The following MYL10 variants were observed in gnomAD, a reference collection of about 807,000 sequenced individuals.
The protein encoded by MYL10 is myosin regulatory light chain 10.
MYL10 carries 18 observed loss-of-function variants against 21.9 expected under a neutral mutation model. The observed-to-expected ratio is 0.82, with a 90% CI of 0.57 to 1.22. The LOEUF (loss-of-function observed/expected upper bound fraction) is 1.22. Among genes scored for constraint, MYL10 ranks in the 50% most tolerant of loss-of-function variants. The probability of loss-of-function intolerance (pLI) is 0.00; values close to 1 mark genes in which losing one functional copy is unlikely to be tolerated. For synonymous variants in MYL10, 88 were observed against 82.8 expected (o/e 1.06, Z -0.34); for missense variants, 225 against 230.4 (o/e 0.98, Z 0.15).
intron 1 of MYL10, among the ~76,000 whole-genome samples, chr7:101,626,349 G>A (rs776528792): frequency 7.9e-5 from 12 of 152,192 alleles, no homozygotes; most frequent in Non-Finnish European, 1.5e-4. Flanking sequence ...TCACAGTCCC[G>A]CTGGTGACAG....
chr7:101,619,889 CAA>C (rs60752793), intron 5 of MYL10, among the ~76,000 whole-genome samples: 1 of 102,624 alleles, frequency 9.7e-6, no homozygotes, highest in African/African-American at 4.1e-5. Flanking sequence ...GACTCCGTCT[CAA>C]AAAAAAAAAA....
At chr7:101,620,205 A>G (rs949317189) in intron 5 of MYL10, among the ~76,000 whole-genome samples, 3 of 152,128 alleles carry the variant, frequency 2.0e-5, no homozygotes, top group African/African-American at 7.2e-5. Context: ...GGTGCCTGTA[A>G]TCCCAGCTTC....
chr7:101,626,490 G>A (rs1005359356), intron 1 of MYL10, among the ~76,000 whole-genome samples: 1 of 152,198 alleles, frequency 6.6e-6, no homozygotes, highest in Non-Finnish European at 1.5e-5. Flanking sequence ...TGTGCCGAGA[G>A]GGACTAACTA....
intron 1 of MYL10, among the ~76,000 whole-genome samples, chr7:101,625,136 TCAGGGCCAACC>T (rs1184609280): frequency 1.3e-5 from 2 of 152,168 alleles, no homozygotes; most frequent in African/African-American, 4.8e-5. Context: ...TGCCCAGAAC[TCAGGGCCAACC>T]CACGCAGCAG....
chr7:101,613,413 C>T lies in MYL10; in HGVS notation c.*62G>A. On this transcript the variant is annotated 3_prime_UTR_variant, in exon 8 of 8. Coordinates refer to ENST00000223167, the MANE Select transcript of MYL10 (RefSeq NM_138403.5). ...TTCCTGCAGCCTCTGGCTGCAAGAGCTCCCTGTCACACCCCACAACAGTGT... is the reference window on the plus strand; with the variant it reads ...TTCCTGCAGCCTCTGGCTGCAAGAGTTCCCTGTCACACCCCACAACAGTGT... 1 of 1,419,106 alleles carries T rather than the reference C, an allele frequency of 7.0e-7. No homozygotes were observed. Among genetic ancestry groups the T allele is most frequent in the Non-Finnish European group, 1.0e-6 (1 of 1,003,722 alleles). 87.9% of individuals were successfully genotyped at this position (1,419,106 alleles called of 1,614,324 possible).
At position 101,613,455 on chromosome 7, in the gene MYL10, T is replaced by G; in HGVS notation, c.*20A>C. 2 of 1,601,702 alleles carry G rather than the reference T, an allele frequency of 1.2e-6. No homozygotes were observed. The highest frequency in any genetic ancestry group is 3.3e-5 in the Admixed American group (2 of 60,014). ...CAACAGTGTTTGCTGCCCCTGAATG[T>G]CGGGGAGACTTGTGATCCCCTAATC... is the stretch of plus-strand genomic sequence containing the variant. On this transcript the variant is annotated 3_prime_UTR_variant, in exon 8 of 8. Transcript: ENST00000223167.
intron 6 of MYL10, among the ~76,000 whole-genome samples, chr7:101,615,013 C>G (rs1023916745): frequency 6.6e-6 from 1 of 152,114 alleles, no homozygotes; most frequent in African/African-American, 2.4e-5. Flanking sequence ...CCTGGGAAGG[C>G]TGCCACTCCC....
At chr7:101,613,772 T>G in intron 6 of MYL10, 62 bp from the exon 7 acceptor site, 2 of 1,535,272 alleles carry the variant, frequency 1.3e-6, no homozygotes, top group Non-Finnish European at 1.8e-6. Context: ...AACATGCAGA[T>G]CCCAGGGGTG....
chr7:101,623,736 T>C (rs1250412384), intron 3 of MYL10, among the ~76,000 whole-genome samples, 184 bp downstream of exon 3: 2 of 146,508 alleles, frequency 1.4e-5, no homozygotes, highest in African/African-American at 5.1e-5. Flanking sequence ...TTTAAAAATG[T>C]AGTAATGGGC....
Position 101,614,987 on chromosome 7 carries a change from G to A in MYL10, c.533+1233C>T, listed in dbSNP as rs540474365. 3.3e-5 allele frequency among the ~76,000 whole-genome samples: 5 copies of A among 152,266 alleles called. No individual in the cohort carries two copies. In the East Asian group the frequency reaches 9.7e-4, roughly 29 times the overall value. On this transcript the variant is annotated intron_variant, in intron 6 of 7. Coordinates refer to ENST00000223167, the MANE Select transcript of MYL10 (RefSeq NM_138403.5). Reference sequence around the variant, plus strand: ...CTGCGTCGGCACAGCTCAGAGGTCAGCCCTGAATCTTGGGTCCTGGGAAGG... The same window carrying A: ...CTGCGTCGGCACAGCTCAGAGGTCAACCCTGAATCTTGGGTCCTGGGAAGG...
At position 101,624,234 on chromosome 7, in the gene MYL10, C is replaced by T; in HGVS notation, c.109G>A (p.Gly37Ser). The T allele has an allele frequency of 6.2e-7, 1 of 1,613,880 alleles. No individual in the cohort carries two copies. The highest frequency in any genetic ancestry group is 8.5e-7 in the Non-Finnish European group (1 of 1,179,922). The change falls in exon 2 of 8, where the codon GGC becomes AGC. Residue 37 changes from glycine to serine, a missense_variant. By Grantham distance (56) the Gly-to-Ser change is moderately conservative. Transcript: ENST00000223167. ...GAGAAGACGTTGGAGCTGGCGGTGC[C>T]TTCTGCTCTTTTCCGAGCTCTTCTC... ...APRRARKRAEGTASSNVFSMF... is the reference protein window; with the variant it reads ...APRRARKRAESTASSNVFSMF...
rs1179498317 is a variant in MYL10 at position 101,629,210 on chromosome 7, T to C, written c.-92A>G. ...TGAAAAAGTTCCCTTATCCCGTTCA[T>C]AGGGCATGCGATGGGGGTGTGGCTC... On this transcript the variant is annotated 5_prime_UTR_variant, in exon 1 of 8. The change abolishes an upstream ATG in the 5' untranslated region. Transcript: ENST00000223167. 3.8e-5 allele frequency: 12 copies of C among 315,642 alleles called. 1 individual carries two copies. Among genetic ancestry groups the C allele is most frequent in the East Asian group, 1.1e-4 (1 of 9,010 alleles). 19.6% of individuals were successfully genotyped at this position (315,642 alleles called of 1,614,324 possible). A position where few individuals can be genotyped will look rare whatever the true frequency, so the allele number is the denominator to read the frequency against.
chr7:101,622,674 T>C (rs1796694238), intron 4 of MYL10, among the ~76,000 whole-genome samples: 1 of 152,108 alleles, frequency 6.6e-6, no homozygotes, highest in African/African-American at 2.4e-5. Context: ...ACCTGGGAGT[T>C]GGGTCTTTCC....
In MYL10 at chr7:101,623,001, C is replaced by G; in HGVS notation, c.345G>C (p.Ala115=). 1 of 1,613,816 alleles carries G rather than the reference C, an allele frequency of 6.2e-7. No homozygotes were observed. The highest frequency in any genetic ancestry group is 8.5e-7 in the Non-Finnish European group (1 of 1,179,924). ...DKEDLRDTFA[A]LGRINVKNEE... ...CCCGGCTGCTGGCTCACCCACCCAG[C>G]GCGGCAAAGGTGTCCCTCAAGTCCT... The change falls in exon 4 of 8, where the codon GCG becomes GCC. Residue 115 remains alanine (A), a synonymous_variant. Transcript: ENST00000223167.
chr7:101,614,494 C>T (rs916751762), intron 6 of MYL10, among the ~76,000 whole-genome samples: 2 of 152,234 alleles, frequency 1.3e-5, no homozygotes, highest in African/African-American at 2.4e-5. Context: ...TGTCCCAAGG[C>T]AGTGCCTTCA....
chr7:101,616,376 G>A, intron 5 of MYL10, 78 bp from the exon 6 acceptor site: 1 of 1,156,486 alleles, frequency 8.6e-7, no homozygotes, highest in Admixed American at 1.9e-5. Context: ...GCTGGGCAGG[G>A]GCTGGGGCTG....
chr7:101,622,199 G>T lies in MYL10; in HGVS notation c.351C>A (p.Gly117=). The part of the protein sequence containing the change: ...EDLRDTFAAL[G]RINVKNEELE... ...GTTCCTCGTTCTTGACATTGATGCG[G>T]CCTGTGGGAGGTGAGAGGTGGGGGC... Residue 117 remains glycine (G), a splice_region_variant and synonymous_variant, in exon 5 of 8, where the codon GGC becomes GGA. Coordinates refer to ENST00000223167, the MANE Select transcript of MYL10 (RefSeq NM_138403.5). 6.2e-7 allele frequency: 1 copy of T among 1,611,454 alleles called. No homozygotes were observed. Among genetic ancestry groups the T allele is most frequent in the South Asian group, 1.1e-5 (1 of 90,880 alleles).
intron 3 of MYL10, 43 bp from the exon 4 acceptor site, chr7:101,623,115 G>C: frequency 6.3e-7 from 1 of 1,580,202 alleles, no homozygotes; most frequent in Admixed American, 1.7e-5. Context: ...GCCCTTCCAA[G>C]CCCGGCCACC....
intron 5 of MYL10, 88 bp downstream of exon 5, chr7:101,622,008 T>C (rs1027633970): frequency 1.0e-6 from 1 of 984,990 alleles, no homozygotes; most frequent in Admixed American, 2.0e-5. Context: ...CCACCTGTGG[T>C]GTGTATGTGT....
Sources: allele counts gnomAD v4.1 joint callset (sites outside exome capture counted in the v4.1 genomes callset), GRCh38; gene constraint gnomAD v4.1.1; transcripts MANE v1.5; gene names NCBI Gene and HGNC (gene_info 2026-07-23, HGNC 2026-07-21).